The following PAX5 variants were observed in gnomAD, a reference collection of about 807,000 sequenced individuals.
PAX5 encodes the protein paired box protein Pax-5.
PAX5 carries 9 observed loss-of-function variants against 43.7 expected under a neutral mutation model. The observed-to-expected ratio is 0.21, with a 90% confidence interval of 0.12 to 0.36. The LOEUF (loss-of-function observed/expected upper bound fraction) is 0.36, where lower values mean the gene tolerates loss of function less well. PAX5 is among the 10% of genes least tolerant of loss of function. The probability of loss-of-function intolerance (pLI) is 1.00; values close to 1 mark genes in which losing one functional copy is unlikely to be tolerated. For synonymous variants in PAX5, 228 were observed against 214.3 expected, an observed-to-expected ratio of 1.06 and a Z score of -0.56; for missense variants, 383 against 532.7, an observed-to-expected ratio of 0.72 and a Z score of 2.77.
At chr9:36,859,111 G>T (rs987319995) in intron 8 of PAX5, among the ~76,000 whole-genome samples, 1 of 152,138 alleles carries the variant, frequency 6.6e-6, no homozygotes, top group Non-Finnish European at 1.5e-5. Flanking sequence ...CAGAGGCCCC[G>T]ATTTCCCCTG....
At chr9:36,921,801 C>T (rs1830190885) in intron 7 of PAX5, among the ~76,000 whole-genome samples, 1 of 152,228 alleles carries the variant, frequency 6.6e-6, no homozygotes, top group African/African-American at 2.4e-5. Context: ...CCAGCTCTAA[C>T]TCCCCCTTAC....
intron 2 of PAX5, among the ~76,000 whole-genome samples, chr9:37,017,573 G>A (rs556964481): frequency 6.6e-6 from 1 of 152,194 alleles, no homozygotes; most frequent in Non-Finnish European, 1.5e-5. Flanking sequence ...CTCAGGGAAG[G>A]GGTTACAGAC....
chr9:36,989,248 G>C (rs531701802), intron 5 of PAX5, among the ~76,000 whole-genome samples: 1 of 152,336 alleles, frequency 6.6e-6, no homozygotes, highest in Non-Finnish European at 1.5e-5. Flanking sequence ...ATGTTGGAGA[G>C]AGCTGAGGAT....
intron 8 of PAX5, among the ~76,000 whole-genome samples, chr9:36,847,897 G>A (rs1822742934): frequency 6.6e-6 from 1 of 152,178 alleles, no homozygotes; most frequent in African/African-American, 2.4e-5. Flanking sequence ...GGGCCTGCCT[G>A]TCTTCCCCCA....
At chr9:36,913,835 C>G (rs1212767141) in intron 7 of PAX5, among the ~76,000 whole-genome samples, 1 of 152,124 alleles carries the variant, frequency 6.6e-6, no homozygotes, top group Non-Finnish European at 1.5e-5. Flanking sequence ...ACCTACAGCA[C>G]TCTGGGCTTT....
chr9:36,904,102 G>C (rs1160839892), intron 7 of PAX5, among the ~76,000 whole-genome samples: 1 of 152,196 alleles, frequency 6.6e-6, no homozygotes, highest in African/African-American at 2.4e-5. Flanking sequence ...CCCACAAAGG[G>C]TTGTTATGCA....
chr9:36,849,981 T>TCTTAGTCAACAGTCCTTAGTCAACAGA (rs1822993359), intron 8 of PAX5, among the ~76,000 whole-genome samples: 1 of 152,054 alleles, frequency 6.6e-6, no homozygotes, highest in Non-Finnish European at 1.5e-5. Context: ...AGAAGCTAGG[T>TCTTAGTCAACAGTCCTTAGTCAACAGA]CCTTAGTCAA....
At chr9:37,012,491 TG>T (rs1241750331) in intron 3 of PAX5, among the ~76,000 whole-genome samples, 2 of 152,208 alleles carry the variant, frequency 1.3e-5, no homozygotes, top group Non-Finnish European at 2.9e-5. Flanking sequence ...GGCTTTGGAC[TG>T]GACACTCAGG....
At chr9:36,969,787 C>T (rs965805537) in intron 5 of PAX5, among the ~76,000 whole-genome samples, 1 of 152,142 alleles carries the variant, frequency 6.6e-6, no homozygotes, top group Non-Finnish European at 1.5e-5. Context: ...GCGAGCTGGG[C>T]AGAGCCTGCC....
chr9:36,969,026 AG>A (rs1834697153), intron 5 of PAX5, among the ~76,000 whole-genome samples: 1 of 152,204 alleles, frequency 6.6e-6, no homozygotes, highest in South Asian at 2.1e-4. Context: ...CTCTTGCTAA[AG>A]CATGACGTGG....
intron 8 of PAX5, among the ~76,000 whole-genome samples, chr9:36,848,532 C>T (rs1192201841): frequency 1.3e-5 from 2 of 152,156 alleles, no homozygotes; most frequent in Non-Finnish European, 2.9e-5. Context: ...TGCAGCCGCC[C>T]GGCTCCGGCA....
chr9:37,010,171 G>A (rs1363597851), intron 3 of PAX5, among the ~76,000 whole-genome samples: 4 of 152,158 alleles, frequency 2.6e-5, no homozygotes, highest in Non-Finnish European at 5.9e-5. Flanking sequence ...ACACACTCAG[G>A]ACCTTTTCTA....
intron 8 of PAX5, among the ~76,000 whole-genome samples, chr9:36,854,751 G>T (rs1225094051): frequency 2.0e-5 from 3 of 152,138 alleles, no homozygotes; most frequent in African/African-American, 7.2e-5. Context: ...GCCGTGCATC[G>T]ATCCATTGCT....
At chr9:36,985,793 G>A (rs1647998456) in intron 5 of PAX5, among the ~76,000 whole-genome samples, 2 of 152,158 alleles carry the variant, frequency 1.3e-5, no homozygotes, top group South Asian at 4.1e-4. Context: ...CAGGTCACTG[G>A]AAAAAGTGAT....
intron 1 of PAX5, among the ~76,000 whole-genome samples, chr9:37,030,156 G>A (rs1256051001): frequency 6.6e-6 from 1 of 152,208 alleles, no homozygotes; most frequent in East Asian, 1.9e-4. Flanking sequence ...GGCACACACA[G>A]GACCCGTCTT....
intron 7 of PAX5, among the ~76,000 whole-genome samples, chr9:36,897,269 C>A (rs996612585): frequency 6.6e-6 from 1 of 152,164 alleles, no homozygotes; most frequent in African/African-American, 2.4e-5. Context: ...TGTGAGCGGC[C>A]TTCACGCTGG....
intron 6 of PAX5, among the ~76,000 whole-genome samples, chr9:36,934,902 T>C (rs1831415801): frequency 6.6e-6 from 1 of 152,202 alleles, no homozygotes; most frequent in African/African-American, 2.4e-5. Context: ...GCCTGTGGAA[T>C]CAAATGAACT....
intron 1 of PAX5, among the ~76,000 whole-genome samples, chr9:37,029,480 T>C (rs1588280091): frequency 6.6e-6 from 1 of 152,028 alleles, no homozygotes; most frequent in Admixed American, 6.5e-5. Context: ...AGTGGCGGCG[T>C]TATCTCTTCT....
chr9:36,868,837 C>T (rs535087153), intron 8 of PAX5, among the ~76,000 whole-genome samples: 17 of 152,192 alleles, frequency 1.1e-4, no homozygotes, highest in Admixed American at 2.0e-4. Context: ...AGCCTGCCTC[C>T]GAGATGGATA....
Sources: allele counts gnomAD v4.1 joint callset (sites outside exome capture counted in the v4.1 genomes callset), GRCh38; gene constraint gnomAD v4.1.1; transcripts MANE v1.5; gene names NCBI Gene and HGNC (gene_info 2026-07-23, HGNC 2026-07-21).